The following AXL variants were observed in gnomAD, a reference collection of about 807,000 sequenced individuals.
AXL encodes tyrosine-protein kinase receptor UFO.
A neutral mutation model predicts 104.5 loss-of-function variants in AXL; 52 were observed. The ratio of observed to expected loss-of-function variants is 0.50; its 90% CI spans 0.40 to 0.63. The LOEUF (loss-of-function observed/expected upper bound fraction) is 0.63, where lower values mean the gene tolerates loss of function less well. Among genes scored for constraint, AXL ranks in the 20% least tolerant of loss-of-function variants. AXL has a pLI of 0.00. For missense variants in AXL, 1,024 were observed against 1,188.5 expected (o/e 0.86, Z 2.04); for synonymous variants, 455 against 473.7 (o/e 0.96, Z 0.51).
At chr19:41,249,219 G>T (rs1271487569) in intron 14 of AXL, among the ~76,000 whole-genome samples, 1 of 151,380 alleles carries the variant, frequency 6.6e-6, no homozygotes, top group Non-Finnish European at 1.5e-5. Flanking sequence ...GCAGCAGATC[G>T]CTTGAGTCCA....
Position 41,256,526 on chromosome 19 carries a change from G to A in AXL, c.2111G>A (p.Arg704His), listed in dbSNP as rs748730668. 7.4e-6 allele frequency: 12 copies of A among 1,614,186 alleles called. No homozygotes were observed. The highest frequency in any genetic ancestry group is 1.7e-5 in the Admixed American group (1 of 60,026). Residue 704 changes from arginine to histidine, a missense_variant, in exon 18 of 20, where the codon CGC becomes CAC. Coordinates refer to ENST00000301178, the MANE Select transcript of AXL (RefSeq NM_021913.5). ...AAGATCTACAATGGGGACTACTACC[G>A]CCAGGGACGTATCGCCAAGATGCCA... ...SKKIYNGDYY[R>H]QGRIAKMPVK...
intron 12 of AXL, 123 bp downstream of exon 12, chr19:41,243,830 C>T: frequency 2.8e-6 from 2 of 725,190 alleles, no homozygotes; most frequent in Non-Finnish European, 4.9e-6. Flanking sequence ...ACTAGAATGT[C>T]AGAACCACAG....
chr19:41,241,469 G>A (rs375384440), intron 10 of AXL, among the ~76,000 whole-genome samples: 39 of 150,618 alleles, frequency 2.6e-4, no homozygotes, highest in East Asian at 2.1e-3. Flanking sequence ...GCTTGAACCT[G>A]GGAGGCGGAG....
intron 4 of AXL, among the ~76,000 whole-genome samples, chr19:41,223,219 C>T (rs1450363227): frequency 5.3e-5 from 8 of 151,878 alleles, no homozygotes; most frequent in Admixed American, 3.3e-4. Context: ...CGCTTGAACC[C>T]GGGAGATGGA....
At chr19:41,226,517 CT>C (rs1568409265) in intron 4 of AXL, among the ~76,000 whole-genome samples, 1 of 152,212 alleles carries the variant, frequency 6.6e-6, no homozygotes, top group Non-Finnish European at 1.5e-5. Context: ...CTACCCTCCC[CT>C]TTCCGGCCTC....
In AXL at chr19:41,242,872, C is replaced by A. The variant is rs779993620; in HGVS notation, c.1313-11C>A. ...CTTCATCCATGACCTGTTCCTCATACCCCCTGATAGTGAAGGAACCTTCAA... is the reference window on the plus strand; with the variant it reads ...CTTCATCCATGACCTGTTCCTCATAACCCCTGATAGTGAAGGAACCTTCAA... On this transcript the variant is annotated splice_polypyrimidine_tract_variant and intron_variant, in intron 10 of 19. Transcript: ENST00000301178. The A allele has an allele frequency of 5.6e-6, 9 of 1,614,046 alleles. No individual in the cohort carries two copies. Among genetic ancestry groups the A allele is most frequent in the African/African-American group, 2.7e-5 (2 of 75,056 alleles).
At chr19:41,236,020 A>G (rs2034072416) in intron 6 of AXL, among the ~76,000 whole-genome samples, 1 of 151,004 alleles carries the variant, frequency 6.6e-6, no homozygotes, top group South Asian at 2.1e-4. Flanking sequence ...AACATGGTGA[A>G]ACCCTTTCTC....
intron 14 of AXL, among the ~76,000 whole-genome samples, chr19:41,251,901 CAGG>C (rs2034369215): frequency 6.6e-6 from 1 of 151,578 alleles, no homozygotes; most frequent in African/African-American, 2.4e-5. Context: ...ATCGTGAGGT[CAGG>C]AGATCGAAAC....
At chr19:41,225,844 T>G (rs59423102) in intron 4 of AXL, among the ~76,000 whole-genome samples, 21,447 of 151,622 alleles carry the variant, frequency 0.14, 1,899 homozygotes, top group South Asian at 0.32. Context: ...AGTGTGTGTG[T>G]GGGGGGGTTT....
intron 3 of AXL, 198 bp downstream of exon 3, chr19:41,221,444 C>T (rs2033789569): frequency 7.2e-6 from 4 of 557,006 alleles, no homozygotes; most frequent in Non-Finnish European, 1.3e-5. Flanking sequence ...GGTGCCAAGG[C>T]TGGGGGATTA....
At chr19:41,229,682 C>T (rs2033942204) in intron 4 of AXL, among the ~76,000 whole-genome samples, 1 of 152,170 alleles carries the variant, frequency 6.6e-6, no homozygotes, top group Non-Finnish European at 1.5e-5. Flanking sequence ...GTTTTGAGCA[C>T]AGGGAACAGT....
At chr19:41,239,088 G>T in intron 8 of AXL, 76 bp from the exon 9 acceptor site, 1 of 1,545,786 alleles carries the variant, frequency 6.5e-7, no homozygotes, top group Non-Finnish European at 8.8e-7. Context: ...AAAGAGATGG[G>T]GCATTGAGCC....
intron 16 of AXL, among the ~76,000 whole-genome samples, chr19:41,253,323 A>G (rs759016919): frequency 9.2e-5 from 14 of 152,076 alleles, no homozygotes; most frequent in Admixed American, 2.6e-4. Flanking sequence ...GCATAGGCAA[A>G]GGCTCGGAGG....
chr19:41,222,096 G>C, intron 4 of AXL, 40 bp downstream of exon 4: 1 of 1,471,956 alleles, frequency 6.8e-7, no homozygotes, highest in Non-Finnish European at 9.0e-7. Context: ...ATAGGGGGCC[G>C]GGCAGGGCTG....
At chr19:41,253,742 T>G (rs2034408200) in intron 17 of AXL, 34 bp downstream of exon 17, 1 of 1,465,984 alleles carries the variant, frequency 6.8e-7, no homozygotes, top group Non-Finnish European at 9.5e-7. Context: ...CCCCCCCAAC[T>G]GCTCCTGCAC....
intron 4 of AXL, among the ~76,000 whole-genome samples, chr19:41,229,921 G>T (rs1427675787): frequency 1.3e-5 from 2 of 152,056 alleles, no homozygotes; most frequent in Admixed American, 1.3e-4. Flanking sequence ...GTTAGTGAGG[G>T]TGCCTGTGTT....
chr19:41,236,440 T>G (rs970551094), intron 6 of AXL, among the ~76,000 whole-genome samples: 2 of 151,440 alleles, frequency 1.3e-5, no homozygotes, highest in Non-Finnish European at 1.5e-5. Context: ...AGGCGGAGAT[T>G]GCAGTGAGCC....
At chr19:41,256,080 GGTGTGTGTGTGT>G (rs71177704) in intron 17 of AXL, among the ~76,000 whole-genome samples, 28 of 150,508 alleles carry the variant, frequency 1.9e-4, no homozygotes, top group Admixed American at 3.3e-4. Context: ...TGGTTACATG[GGTGTGTGTGTGT>G]GTGTGTGTGA....
chr19:41,238,295 G>A, intron 7 of AXL, 141 bp downstream of exon 7: 2 of 1,418,634 alleles, frequency 1.4e-6, no homozygotes, highest in Non-Finnish European at 2.0e-6. Flanking sequence ...CCCCTCAGCA[G>A]CACTGCCCGC....
Sources: allele counts gnomAD v4.1 joint callset (sites outside exome capture counted in the v4.1 genomes callset), GRCh38; gene constraint gnomAD v4.1.1; transcripts MANE v1.5; gene names NCBI Gene and HGNC (gene_info 2026-07-23, HGNC 2026-07-21).